ADGRL3: variants seen among roughly 807,000 people sequenced by gnomAD.
The protein encoded by ADGRL3 is calcium-independent alpha-latrotoxin receptor 3.
Under a neutral mutation model 153.5 loss-of-function variants are expected in ADGRL3, and 62 were observed. The ratio of observed to expected loss-of-function variants is 0.40; its 90% CI spans 0.33 to 0.50. The LOEUF (loss-of-function observed/expected upper bound fraction) is 0.50. ADGRL3 is among the 20% of genes least tolerant of loss of function. The pLI, the probability that ADGRL3 is intolerant of heterozygous loss-of-function variation, is 0.47. For missense variants in ADGRL3, 1,641 were observed against 1,859.4 expected, an observed-to-expected ratio of 0.88 and a Z score of 2.16; for synonymous variants, 710 against 672.5, an observed-to-expected ratio of 1.06 and a Z score of -0.86.
chr4:61,706,674 A>G (rs1039652035), intron 6 of ADGRL3, among the ~76,000 whole-genome samples: 2 of 152,096 alleles, frequency 1.3e-5, no homozygotes, highest in Non-Finnish European at 2.9e-5. Context: ...GCCTTCATAC[A>G]ATTGCAGAGA....
chr4:61,601,234 A>C (rs2149524011), intron 5 of ADGRL3, among the ~76,000 whole-genome samples: 1 of 152,322 alleles, frequency 6.6e-6, no homozygotes, highest in Non-Finnish European at 1.5e-5. Context: ...GAATTTCAAT[A>C]AAGATACTTT....
chr4:61,276,419 G>A (rs2093464386), intron 1 of ADGRL3, among the ~76,000 whole-genome samples: 1 of 152,156 alleles, frequency 6.6e-6, no homozygotes, highest in Non-Finnish European at 1.5e-5. Context: ...TAAAGGAACA[G>A]CATTCAATTC....
At chr4:61,517,635 T>G (rs941181062) in intron 4 of ADGRL3, 117 bp downstream of exon 4, 1 of 637,352 alleles carries the variant, frequency 1.6e-6, no homozygotes, top group Non-Finnish European at 2.9e-6. Context: ...CTGCATTCAC[T>G]TTTGTGGCTG....
At chr4:62,033,427 G>T (rs1435996894) in intron 23 of ADGRL3, among the ~76,000 whole-genome samples, 1 of 151,728 alleles carries the variant, frequency 6.6e-6, no homozygotes, top group Admixed American at 6.6e-5. Flanking sequence ...CATGTAAATG[G>T]TGAGTGAGAA....
intron 1 of ADGRL3, among the ~76,000 whole-genome samples, chr4:61,236,011 T>TTC (rs1471143997): frequency 2.7e-4 from 38 of 138,794 alleles, no homozygotes; most frequent in African/African-American, 5.6e-4. Context: ...TTCTTTTCTT[T>TTC]TTTTTTTTTT....
chr4:61,566,096 T>A (rs2149053499), intron 4 of ADGRL3, among the ~76,000 whole-genome samples: 1 of 152,284 alleles, frequency 6.6e-6, no homozygotes, highest in South Asian at 2.1e-4. Context: ...TAGAGCCACC[T>A]TAACAAAGAA....
rs2098503280 is a variant in ADGRL3, at chr4:61,517,403, T to C, written c.144T>C (p.His48=). Residue 48 remains histidine, a synonymous_variant, in exon 4 of 27, where the codon CAT becomes CAC. Coordinates refer to ENST00000683033, the MANE Select transcript of ADGRL3 (RefSeq NM_001387552.1). ...RSPGGALPPR[H]LLQQPAAERT... Reference sequence around the variant, plus strand: ...CAGGAGGCGCTCTTCCACCCAGACATCTGCTTCAGCAGCCAGCTGCAGAGC... The same window carrying C: ...CAGGAGGCGCTCTTCCACCCAGACACCTGCTTCAGCAGCCAGCTGCAGAGC... 4 of 751,112 alleles carry C rather than the reference T, an allele frequency of 5.3e-6. No homozygotes were observed. The South Asian group carries it at 5.8e-5, about 11-fold the overall frequency. The allele number at this position is 751,112 out of a possible 1,614,324, so 46.5% of individuals were successfully genotyped here. A position where few individuals can be genotyped will look rare whatever the true frequency, so the allele number is the denominator to read the frequency against.
intron 1 of ADGRL3, among the ~76,000 whole-genome samples, chr4:61,265,667 T>A (rs2092807926): frequency 6.6e-6 from 1 of 151,900 alleles, no homozygotes; most frequent in Non-Finnish European, 1.5e-5. Flanking sequence ...TTTACTAGCC[T>A]TGAGCAATGA....
intron 4 of ADGRL3, among the ~76,000 whole-genome samples, chr4:61,569,492 G>A (rs1303687668): frequency 6.6e-6 from 1 of 152,122 alleles, no homozygotes; most frequent in African/African-American, 2.4e-5. Flanking sequence ...CAGCTACTCA[G>A]GAAGCTTAGG....
chr4:61,394,600 C>T (rs1378970404), intron 2 of ADGRL3, among the ~76,000 whole-genome samples: 1 of 151,930 alleles, frequency 6.6e-6, no homozygotes. Context: ...CGTATCTTCC[C>T]TATCCATCCA....
chr4:61,486,941 A>T lies in ADGRL3; in HGVS notation c.-173-10180A>T, dbSNP rs2098201384. Among the ~76,000 whole-genome samples the T allele has an allele frequency of 2.0e-5, 3 of 152,330 alleles. No homozygotes were observed. The South Asian group carries it at 6.2e-4, about 32-fold the overall frequency. Reference sequence around the variant, plus strand: ...CTATCTCTTCAGATGTGCCAAAGACATATATAATGCCAGATAAAAATTATT... The same window carrying T: ...CTATCTCTTCAGATGTGCCAAAGACTTATATAATGCCAGATAAAAATTATT... On this transcript the variant is annotated intron_variant, in intron 2 of 26. Coordinates refer to ENST00000683033, the MANE Select transcript of ADGRL3 (RefSeq NM_001387552.1).
intron 5 of ADGRL3, among the ~76,000 whole-genome samples, chr4:61,669,363 A>G (rs1017507024): frequency 2.0e-5 from 3 of 152,190 alleles, no homozygotes; most frequent in Admixed American, 6.5e-5. Context: ...GAAAATAAGG[A>G]AACTACTGTC....
chr4:61,645,209 A>G (rs887395644), intron 5 of ADGRL3, among the ~76,000 whole-genome samples: 3 of 152,196 alleles, frequency 2.0e-5, no homozygotes, highest in African/African-American at 7.2e-5. Context: ...TTCTGAATAC[A>G]GCACACTGAT....
intron 6 of ADGRL3, among the ~76,000 whole-genome samples, chr4:61,681,839 G>A (rs1385513278): frequency 2.0e-5 from 3 of 151,758 alleles, no homozygotes; most frequent in East Asian, 1.9e-4. Context: ...TTAACTCATC[G>A]TGCTGAAATT....
rs1734554748 is a variant in ADGRL3 at position 61,201,193 on chromosome 4, A to G, written c.-812A>G. The G allele has an allele frequency of 6.6e-6, 1 of 152,104 alleles. No individual in the cohort carries two copies. The highest frequency in any genetic ancestry group is 1.5e-5 in the Non-Finnish European group (1 of 67,984). 9.4% of individuals were successfully genotyped at this position (152,104 alleles called of 1,614,324 possible). Reference sequence around the variant, plus strand: ...AGAAAGAGAAGGGGGGTGGGGTGGGAGAACTGGATATAAAGATCGGCTGGG... The same window carrying G: ...AGAAAGAGAAGGGGGGTGGGGTGGGGGAACTGGATATAAAGATCGGCTGGG... On this transcript the variant is annotated 5_prime_UTR_variant, in exon 1 of 27. Coordinates refer to ENST00000683033, the MANE Select transcript of ADGRL3 (RefSeq NM_001387552.1).
intron 5 of ADGRL3, among the ~76,000 whole-genome samples, chr4:61,634,703 A>C (rs2093341124): frequency 6.6e-6 from 1 of 152,176 alleles, no homozygotes; most frequent in Admixed American, 6.5e-5. Flanking sequence ...TAAGATGTAG[A>C]AAGTTATAAA....
rs1319165281 is a variant in ADGRL3, at chr4:62,074,299, T to G, written c.*3391T>G. The G allele has an allele frequency of 6.6e-6, 1 of 152,188 alleles. No individual in the cohort carries two copies. Among genetic ancestry groups the G allele is most frequent in the Non-Finnish European group, 1.5e-5 (1 of 68,026 alleles). 9.4% of individuals were successfully genotyped at this position (152,188 alleles called of 1,614,324 possible). On this transcript the variant is annotated 3_prime_UTR_variant, in exon 27 of 27. Coordinates refer to ENST00000683033, the MANE Select transcript of ADGRL3 (RefSeq NM_001387552.1). The stretch of plus-strand genomic sequence containing the variant: ...GCCACCGAAACAAACAAATGATTAC[T>G]TTCTTGTCAAATAATATTTTTGTCA...
intron 1 of ADGRL3, among the ~76,000 whole-genome samples, chr4:61,313,772 C>T (rs1049505107): frequency 4.6e-5 from 7 of 152,056 alleles, no homozygotes; most frequent in Admixed American, 2.6e-4. Context: ...AAAAGAAGTA[C>T]GGTGGTTTTT....
intron 15 of ADGRL3, among the ~76,000 whole-genome samples, chr4:61,939,342 A>G (rs981977194): frequency 1.3e-5 from 2 of 152,234 alleles, no homozygotes; most frequent in African/African-American, 4.8e-5. Flanking sequence ...CACAAAAAGA[A>G]GGAAAATAAA....
Sources: gnomAD v4.1 joint callset for allele counts (sites outside exome capture counted in the v4.1 genomes callset) on GRCh38, gnomAD v4.1.1 for gene constraint, MANE v1.5 for transcripts, NCBI Gene and HGNC (gene_info 2026-07-23, HGNC 2026-07-21) for gene names.